Variants in MAP3K13 observed in about 807,000 individuals in gnomAD.
MAP3K13 encodes the protein leucine zipper-bearing kinase.
MAP3K13 carries 52 observed loss-of-function variants against 104.0 expected under a neutral mutation model. The observed-to-expected ratio is 0.50, with a 90% CI of 0.40 to 0.63. The LOEUF is 0.63. Among genes scored for constraint, MAP3K13 ranks in the 20% least tolerant of loss-of-function variants. The probability of loss-of-function intolerance (pLI) is 0.00; values close to 1 mark genes in which losing one functional copy is unlikely to be tolerated. For synonymous variants in MAP3K13, 394 were observed against 442.2 expected (o/e 0.89, Z 1.37); for missense variants, 914 against 1,218.5 (o/e 0.75, Z 3.72).
rs1292989362 is a variant in MAP3K13 at position 185,487,044 on chromosome 3, G to A, written c.*4588G>A. 6.6e-6 allele frequency: 1 copy of A among 152,198 alleles called. No individual in the cohort carries two copies. The highest frequency in any genetic ancestry group is 1.5e-5 in the Non-Finnish European group (1 of 68,040). 9.4% of individuals were successfully genotyped at this position (152,198 alleles called of 1,614,324 possible). On this transcript the variant is annotated 3_prime_UTR_variant, in exon 14 of 14. Coordinates refer to ENST00000265026, the MANE Select transcript of MAP3K13 (RefSeq NM_004721.5). ...CCTTCTAGAAGTAAAGACATTTTGA[G>A]TAGGATTTAGTAAGTACTGGACATC...
At chr3:185,307,494 A>C (rs1721324203) in intron 2 of MAP3K13, among the ~76,000 whole-genome samples, 1 of 149,010 alleles carries the variant, frequency 6.7e-6, no homozygotes, top group African/African-American at 2.5e-5. Flanking sequence ...TGTAATTTTT[A>C]ATTCAGTTTT....
chr3:185,341,417 A>G (rs1475580942), intron 2 of MAP3K13, among the ~76,000 whole-genome samples: 1 of 152,204 alleles, frequency 6.6e-6, no homozygotes, highest in African/African-American at 2.4e-5. Context: ...CAGCAGGAGC[A>G]TGGGCCTGCC....
chr3:185,316,197 G>C (rs1316741256), intron 2 of MAP3K13, among the ~76,000 whole-genome samples: 1 of 151,910 alleles, frequency 6.6e-6, no homozygotes, highest in Non-Finnish European at 1.5e-5. Flanking sequence ...CCCACCTCCT[G>C]GGATGCCAAC....
intron 3 of MAP3K13, among the ~76,000 whole-genome samples, chr3:185,441,117 T>C (rs1268044231): frequency 1.3e-5 from 2 of 152,222 alleles, no homozygotes; most frequent in African/African-American, 2.4e-5. Flanking sequence ...CTGTCACTTA[T>C]TAGTTGTATG....
intron 1 of MAP3K13, among the ~76,000 whole-genome samples, chr3:185,407,869 A>ATTT (rs35693572): frequency 9.7e-4 from 67 of 69,108 alleles, no homozygotes; most frequent in Admixed American, 1.3e-3. Context: ...AATTTTGAGA[A>ATTT]TTTTTTTTTT....
intron 2 of MAP3K13, among the ~76,000 whole-genome samples, chr3:185,322,627 G>T (rs1466292439): frequency 6.6e-6 from 1 of 152,108 alleles, no homozygotes; most frequent in East Asian, 1.9e-4. Flanking sequence ...TGTGTATCCA[G>T]ATGCCTTTTG....
rs1364835286 is a variant in MAP3K13, at chr3:185,455,131, TATATATGATATATATGTGAG to T, written c.1278+3743_1278+3762del. Among the ~76,000 whole-genome samples the T allele has an allele frequency of 1.1e-3, 132 of 115,222 alleles. 5 individuals are homozygous for T. The highest frequency in any genetic ancestry group is 1.6e-3 in the Non-Finnish European group (95 of 59,030). 75.6% of individuals were successfully genotyped at this position (115,222 alleles called of 152,430 possible). A position where few individuals can be genotyped will look rare whatever the true frequency, so the allele number is the denominator to read the frequency against. Reference sequence around the variant, plus strand: ...AGATATATGAGATATATGTGAGATATATATATGATATATATGTGAGATATATATGATATATATGAGATATA... The same window carrying T: ...AGATATATGAGATATATGTGAGATATATATATATGATATATATGAGATATA... On this transcript the variant is annotated intron_variant, in intron 7 of 13. Coordinates refer to ENST00000265026, the MANE Select transcript of MAP3K13 (RefSeq NM_004721.5).
intron 2 of MAP3K13, among the ~76,000 whole-genome samples, chr3:185,286,964 T>C (rs1720535770): frequency 6.6e-6 from 1 of 152,184 alleles, no homozygotes; most frequent in Admixed American, 6.5e-5. Context: ...TACTATTCCC[T>C]TATGACTTTC....
Position 185,395,610 on chromosome 3 carries a change from G to A in MAP3K13, c.-86+32242G>A, listed in dbSNP as rs542170841. Among the ~76,000 whole-genome samples the A allele has an allele frequency of 5.1e-3, 764 of 150,828 alleles. 3 individuals are homozygous for A. The highest frequency in any genetic ancestry group is 7.9e-3 in the Non-Finnish European group (536 of 67,726). The stretch of plus-strand genomic sequence containing the variant: ...CCTGACCTCGTGATCCGCCCGCCTC[G>A]GCCTCCCAAAGTGCTGGGATTACAG... On this transcript the variant is annotated intron_variant, in intron 1 of 13. Transcript: ENST00000265026.
chr3:185,456,312 T>A (rs1577592517), intron 7 of MAP3K13, among the ~76,000 whole-genome samples: 1 of 152,246 alleles, frequency 6.6e-6, no homozygotes, highest in Middle Eastern at 3.4e-3. Flanking sequence ...TAAGAAATTA[T>A]TATGTAAGTA....
intron 2 of MAP3K13, among the ~76,000 whole-genome samples, chr3:185,332,235 C>G (rs61087959): frequency 0.68 from 102,855 of 151,098 alleles, 36,259 homozygotes; most frequent in Middle Eastern, 0.8. Context: ...CTCCCCCCCC[C>G]CATTATAAGA....
At chr3:185,374,251 T>C (rs1465901906) in intron 1 of MAP3K13, among the ~76,000 whole-genome samples, 1 of 152,174 alleles carries the variant, frequency 6.6e-6, no homozygotes, top group Non-Finnish European at 1.5e-5. Context: ...TGTCTTCTTA[T>C]ATTAATAAGA....
intron 1 of MAP3K13, among the ~76,000 whole-genome samples, chr3:185,373,414 G>A (rs1724253413): frequency 2.0e-5 from 3 of 152,128 alleles, no homozygotes; most frequent in Admixed American, 6.5e-5. Flanking sequence ...GGCTGAGGCG[G>A]GTGGTTCACT....
intron 1 of MAP3K13, among the ~76,000 whole-genome samples, chr3:185,373,776 A>G (rs567319622): frequency 1.0e-3 from 73 of 73,090 alleles, no homozygotes; most frequent in Middle Eastern, 9.4e-3. Flanking sequence ...CCTGCCAACC[A>G]TGACATGTTC....
intron 2 of MAP3K13, among the ~76,000 whole-genome samples, chr3:185,319,239 T>C (rs1721777961): frequency 6.6e-6 from 1 of 152,224 alleles, no homozygotes; most frequent in Non-Finnish European, 1.5e-5. Context: ...CAGAATTTCC[T>C]AGCAGATGAG....
chr3:185,465,553 A>G (rs968100849), intron 8 of MAP3K13, among the ~76,000 whole-genome samples, 194 bp from the exon 9 acceptor site: 19 of 152,142 alleles, frequency 1.2e-4, no homozygotes, highest in Admixed American at 4.6e-4. Flanking sequence ...TTTAGGATAA[A>G]CCAGGTGGAG....
At chr3:185,308,077 T>C (rs1721365796) in intron 2 of MAP3K13, among the ~76,000 whole-genome samples, 2 of 150,104 alleles carry the variant, frequency 1.3e-5, no homozygotes, top group Admixed American at 6.7e-5. Context: ...TTCTTTGTAT[T>C]CTTGATTATT....
intron 7 of MAP3K13, among the ~76,000 whole-genome samples, chr3:185,460,633 T>A (rs1717044624): frequency 6.6e-6 from 1 of 152,178 alleles, no homozygotes; most frequent in South Asian, 2.1e-4. Context: ...TCCTTTTCCA[T>A]GAGATTCTAA....
chr3:185,362,392 A>C (rs888803873), upstream of MAP3K13, among the ~76,000 whole-genome samples: 1 of 152,200 alleles, frequency 6.6e-6, no homozygotes, highest in African/African-American at 2.4e-5. Flanking sequence ...AATTTGTTCA[A>C]AGTTTCATTA....
Sources: allele counts gnomAD v4.1 joint callset (sites outside exome capture counted in the v4.1 genomes callset), GRCh38; gene constraint gnomAD v4.1.1; transcripts MANE v1.5; gene names NCBI Gene and HGNC (gene_info 2026-07-23, HGNC 2026-07-21).